The following TRIP12 variants were observed in gnomAD, a reference collection of about 807,000 sequenced individuals.
The protein encoded by TRIP12 is thyroid hormone receptor interactor 12.
Under a neutral mutation model 244.2 loss-of-function variants are expected in TRIP12, and 25 were observed. The ratio of observed to expected loss-of-function variants is 0.10; its 90% CI spans 0.07 to 0.14. The LOEUF (loss-of-function observed/expected upper bound fraction) is 0.14. Ranked by LOEUF, TRIP12 falls within the 10% of genes least tolerant of loss-of-function variation. TRIP12 has a pLI of 1.00. For missense variants in TRIP12, 1,677 were observed against 2,486.4 expected, an observed-to-expected ratio of 0.67 and a Z score of 6.92; for synonymous variants, 905 against 873.1, an observed-to-expected ratio of 1.04 and a Z score of -0.64.
At chr2:229,792,904 T>C (rs939206932) in intron 27 of TRIP12, 69 bp downstream of exon 27, 12 of 1,474,538 alleles carry the variant, frequency 8.1e-6, no homozygotes, top group South Asian at 8.0e-5. Context: ...AAATAATGTA[T>C]GTAACTCTTA....
At chr2:229,829,019 C>G (rs1035337683) in intron 8 of TRIP12, among the ~76,000 whole-genome samples, 174 bp downstream of exon 8, 1 of 152,126 alleles carries the variant, frequency 6.6e-6, no homozygotes, top group Non-Finnish European at 1.5e-5. Flanking sequence ...GCTACAAAAT[C>G]TGGATAATTC....
In TRIP12 at chr2:229,859,537, G is replaced by C. The variant is rs755281314; in HGVS notation, c.262C>G (p.Pro88Ala). The part of the protein sequence containing the change: ...SSSSAVIVPQ[P>A]EDPDRANTSE... ...GTATTGGCTCTGTCTGGATCCTCTG[G>C]TTGTGGAACTATCACAGCAGATGAT... Residue 88 changes from proline (P) to alanine (A), a missense_variant, in exon 4 of 42, where the codon CCA becomes GCA. Around this residue, in one of 11 missense-constraint regions of TRIP12, gnomAD observed 387 missense variants for 392.6 expected, o/e 0.99. Transcript: ENST00000675903. 96 of 1,613,830 alleles carry C rather than the reference G, an allele frequency of 5.9e-5. No individual in the cohort carries two copies. The highest frequency in any genetic ancestry group is 1.6e-4 in the Middle Eastern group (1 of 6,084).
chr2:229,897,069 T>C (rs991169013), intron 1 of TRIP12, among the ~76,000 whole-genome samples: 1 of 152,128 alleles, frequency 6.6e-6, no homozygotes, highest in Non-Finnish European at 1.5e-5. Flanking sequence ...TGTTGAGGGG[T>C]AGAGGAGTGT....
At chr2:229,914,209 A>T (rs539160776) in intron 1 of TRIP12, among the ~76,000 whole-genome samples, 1 of 152,264 alleles carries the variant, frequency 6.6e-6, no homozygotes, top group African/African-American at 2.4e-5. Flanking sequence ...TGCCTCAAAA[A>T]ATAAAAATAA....
intron 1 of TRIP12, among the ~76,000 whole-genome samples, chr2:229,889,897 A>G (rs192912603): frequency 3.5e-4 from 54 of 152,310 alleles, no homozygotes; most frequent in Middle Eastern, 3.4e-3. Flanking sequence ...TCACAGTACA[A>G]GGTACCCTGT....
intron 1 of TRIP12, among the ~76,000 whole-genome samples, chr2:229,889,114 A>G (rs1185738537): frequency 6.6e-6 from 1 of 152,232 alleles, no homozygotes; most frequent in Non-Finnish European, 1.5e-5. Flanking sequence ...GCAGGGGGAA[A>G]AAAATTAAGA....
intron 1 of TRIP12, among the ~76,000 whole-genome samples, chr2:229,899,944 A>AAT (rs1414235289): frequency 6.6e-6 from 1 of 152,228 alleles, no homozygotes; most frequent in Non-Finnish European, 1.5e-5. Flanking sequence ...CTGCATACCA[A>AAT]ATATATAGAA....
At chr2:229,802,601 T>C in intron 20 of TRIP12, 142 bp from the exon 21 acceptor site, 1 of 532,948 alleles carries the variant, frequency 1.9e-6, no homozygotes, top group Non-Finnish European at 3.1e-6. Context: ...TAAAAGAAAT[T>C]AGGAGCCAGA....
chr2:229,812,213 C>G (rs1166087768), intron 13 of TRIP12, among the ~76,000 whole-genome samples: 1 of 152,102 alleles, frequency 6.6e-6, no homozygotes, highest in Non-Finnish European at 1.5e-5. Flanking sequence ...GCCTCAGCCT[C>G]CTGAGTAGCT....
rs538556979 is a variant in TRIP12 at position 229,913,223 on chromosome 2, T to C, written c.-50+8657A>G. Among the ~76,000 whole-genome samples, 2 of 152,352 alleles carry C rather than the reference T, an allele frequency of 1.3e-5. 1 individual carries two copies. Among genetic ancestry groups the C allele is most frequent in the South Asian group, 4.1e-4 (2 of 4,830 alleles). ...AAATCATGCCCTAATTCATGTTTCTTAATTTACATTCTAATATCAGATTTT... is the reference window on the plus strand; with the variant it reads ...AAATCATGCCCTAATTCATGTTTCTCAATTTACATTCTAATATCAGATTTT... On this transcript the variant is annotated intron_variant, in intron 1 of 41. Transcript: ENST00000675903.
intron 1 of TRIP12, among the ~76,000 whole-genome samples, chr2:229,903,018 CTTTT>C (rs57794819): frequency 3.8e-5 from 4 of 104,898 alleles, no homozygotes; most frequent in African/African-American, 1.3e-4. Context: ...TTCTTTTTTT[CTTTT>C]TTTTTTTTTT....
chr2:229,858,700 A>G (rs1418945513), intron 4 of TRIP12, 72 bp downstream of exon 4: 6 of 1,348,358 alleles, frequency 4.4e-6, no homozygotes, highest in Non-Finnish European at 6.0e-6. Flanking sequence ...CTTAACTTTA[A>G]AGCATAATTG....
At chr2:229,889,805 G>T (rs1042639269) in intron 1 of TRIP12, among the ~76,000 whole-genome samples, 21 of 152,156 alleles carry the variant, frequency 1.4e-4, no homozygotes, top group African/African-American at 5.1e-4. Context: ...GAGCTGCTGA[G>T]GGAGCAGAGA....
At chr2:229,850,470 A>T (rs552825394) in intron 4 of TRIP12, among the ~76,000 whole-genome samples, 3 of 152,316 alleles carry the variant, frequency 2.0e-5, no homozygotes, top group African/African-American at 7.2e-5. Context: ...CTCTTCACAG[A>T]GCTCACAGAT....
chr2:229,790,392 A>G (rs1431883916), intron 30 of TRIP12, among the ~76,000 whole-genome samples: 1 of 152,220 alleles, frequency 6.6e-6, no homozygotes, highest in Non-Finnish European at 1.5e-5. Flanking sequence ...GTTTAACACC[A>G]AAAACATAAC....
chr2:229,907,555 C>T (rs1242861100), intron 1 of TRIP12, among the ~76,000 whole-genome samples: 5 of 152,070 alleles, frequency 3.3e-5, no homozygotes, highest in Admixed American at 3.3e-4. Context: ...AGTATTCTTA[C>T]AATGCTGAGG....
chr2:229,836,774 A>C, intron 6 of TRIP12, 74 bp downstream of exon 6: 14 of 1,487,772 alleles, frequency 9.4e-6, no homozygotes, highest in Non-Finnish European at 1.3e-5. Context: ...AACACCTAGC[A>C]TACTTCCCTC....
At chr2:229,897,020 C>G (rs573029583) in intron 1 of TRIP12, among the ~76,000 whole-genome samples, 1 of 152,250 alleles carries the variant, frequency 6.6e-6, no homozygotes, top group South Asian at 2.1e-4. Flanking sequence ...AAATGTACCA[C>G]TTCGGTGGGG....
chr2:229,802,541 C>G, intron 20 of TRIP12, 82 bp from the exon 21 acceptor site: 1 of 1,014,578 alleles, frequency 9.9e-7, no homozygotes, highest in Non-Finnish European at 1.4e-6. Context: ...TCCCTAAATA[C>G]CAACACTGAC....
Sources: allele counts gnomAD v4.1 joint callset (sites outside exome capture counted in the v4.1 genomes callset), GRCh38; gene constraint gnomAD v4.1.1; regional missense constraint gnomAD v4.1.1; transcripts MANE v1.5; gene names NCBI Gene and HGNC (gene_info 2026-07-23, HGNC 2026-07-21).